Variants in NTRK2 observed in about 807,000 individuals in gnomAD.
NTRK2 encodes the protein BDNF/NT-3 growth factors receptor.
A neutral mutation model predicts 94.5 loss-of-function variants in NTRK2; 13 were observed. The ratio of observed to expected loss-of-function variants is 0.14; its 90% CI spans 0.09 to 0.22. NTRK2 has a LOEUF of 0.22. NTRK2 is among the 10% of genes least tolerant of loss of function. NTRK2 has a pLI of 1.00. For missense variants in NTRK2, 639 were observed against 1,071.2 expected (o/e 0.60, Z 5.63); for synonymous variants, 372 against 407.4 (o/e 0.91, Z 1.05).
chr9:84,962,131 G>T (rs1009503201), intron 17 of NTRK2, among the ~76,000 whole-genome samples: 1 of 152,274 alleles, frequency 6.6e-6, no homozygotes, highest in Non-Finnish European at 1.5e-5. Context: ...ACTGGAAAAT[G>T]ACATATTAGA....
chr9:84,797,112 C>A lies in NTRK2; in HGVS notation c.1396+45027C>A, dbSNP rs2069425055. On this transcript the variant is annotated intron_variant, in intron 12 of 18. Transcript: ENST00000277120. ...GTATATTGAAACAGTACGATGTTCA[C>A]TGAAGGAGGAAGCTTAACATGGGAA... Among the ~76,000 whole-genome samples the A allele has an allele frequency of 2.0e-5, 3 of 151,986 alleles. No homozygotes were observed. In the South Asian group the frequency reaches 6.2e-4, roughly 32 times the overall value.
intron 14 of NTRK2, among the ~76,000 whole-genome samples, chr9:84,879,052 G>T (rs1452683908): frequency 6.6e-6 from 1 of 152,136 alleles, no homozygotes; most frequent in East Asian, 1.9e-4. Flanking sequence ...GCAGATAAGT[G>T]CATGCTCATC....
intron 17 of NTRK2, among the ~76,000 whole-genome samples, chr9:84,968,761 T>C (rs945357268): frequency 6.6e-6 from 1 of 152,260 alleles, no homozygotes; most frequent in South Asian, 2.1e-4. Context: ...ACCATGAAAA[T>C]TGTGAAGTAT....
Position 85,026,844 on chromosome 9 carries a change from G to C in NTRK2, c.*5407G>C, listed in dbSNP as rs1475587740. On this transcript the variant is annotated 3_prime_UTR_variant, in exon 19 of 19. Transcript: ENST00000277120. ...TCTGTGCTAATACTTACCAGTTCTT[G>C]TTTTGCAATCTGTTTTGAGGTCCAT... 1 of 232,398 alleles carries C rather than the reference G, an allele frequency of 4.3e-6. No homozygotes were observed. Among genetic ancestry groups the C allele is most frequent in the Admixed American group, 5.6e-5 (1 of 17,716 alleles). 14.4% of individuals were successfully genotyped at this position (232,398 alleles called of 1,614,324 possible).
intron 14 of NTRK2, chr9:84,872,995 T>C (rs1004998268): frequency 9.4e-7 from 1 of 1,063,894 alleles, no homozygotes. Context: ...ATTTGCAACA[T>C]TACTTTGAGT....
chr9:84,985,516 C>T (rs937630731), intron 17 of NTRK2, among the ~76,000 whole-genome samples: 2 of 152,172 alleles, frequency 1.3e-5, no homozygotes, highest in Admixed American at 6.5e-5. Flanking sequence ...CGCTGGTAGC[C>T]TGATCTTTCA....
At position 84,706,514 on chromosome 9, in the gene NTRK2, A is replaced by ATTTTTT. The variant is rs1251771059; in HGVS notation, c.360-1329_360-1324dup. 9.5e-4 allele frequency among the ~76,000 whole-genome samples: 65 copies of ATTTTTT among 68,556 alleles called. 4 individuals carry two copies. The highest frequency in any genetic ancestry group is 2.0e-3 in the Admixed American group (12 of 6,042). The allele number at this position is 68,556 out of a possible 152,430, so 45.0% of individuals were successfully genotyped here. On this transcript the variant is annotated intron_variant, in intron 4 of 18. Coordinates refer to ENST00000277120, the MANE Select transcript of NTRK2 (RefSeq NM_006180.6). ...GTCACCCTCAGATCTCATGTGTGTT[A>ATTTTTT]TTTTTTGTTTTTGTTTTTTTTTTTT...
chr9:84,861,169 C>A, intron 13 of NTRK2, 82 bp downstream of exon 13: 1 of 1,042,332 alleles, frequency 9.6e-7, no homozygotes, highest in Non-Finnish European at 1.5e-6. Flanking sequence ...ACCCTCTTTA[C>A]ATTCCACGGT....
intron 17 of NTRK2, among the ~76,000 whole-genome samples, chr9:84,999,335 T>C (rs372379170): frequency 2.6e-4 from 39 of 152,340 alleles, no homozygotes; most frequent in African/African-American, 9.1e-4. Context: ...TCTCTCTTTT[T>C]GTATTGTCTG....
At chr9:84,950,224 C>T (rs1013742373) in intron 16 of NTRK2, among the ~76,000 whole-genome samples, 4 of 152,082 alleles carry the variant, frequency 2.6e-5, no homozygotes, top group African/African-American at 4.8e-5. Flanking sequence ...CCAGCTGCCT[C>T]GGTAAGAGAA....
intron 2 of NTRK2, among the ~76,000 whole-genome samples, chr9:84,671,728 A>G (rs1323854286): frequency 6.6e-6 from 1 of 152,236 alleles, no homozygotes; most frequent in Non-Finnish European, 1.5e-5. Flanking sequence ...TAGAACTCTG[A>G]TGAAGGCTGG....
At chr9:84,908,545 G>T (rs1246592869) in intron 14 of NTRK2, among the ~76,000 whole-genome samples, 3 of 152,142 alleles carry the variant, frequency 2.0e-5, no homozygotes. Flanking sequence ...CTCATTTGCA[G>T]CAAGCCATGT....
At chr9:84,777,233 C>T (rs566724080) in intron 12 of NTRK2, among the ~76,000 whole-genome samples, 1 of 152,126 alleles carries the variant, frequency 6.6e-6, no homozygotes, top group Non-Finnish European at 1.5e-5. Context: ...TTGGTTGTCC[C>T]ATTTTAGTAC....
At chr9:84,886,228 A>G (rs1279402808) in intron 14 of NTRK2, among the ~76,000 whole-genome samples, 1 of 152,234 alleles carries the variant, frequency 6.6e-6, no homozygotes, top group East Asian at 1.9e-4. Context: ...AGTGCCACAC[A>G]AAGAAATTCA....
At chr9:84,742,258 T>C (rs1401432459) in intron 10 of NTRK2, among the ~76,000 whole-genome samples, 1 of 152,206 alleles carries the variant, frequency 6.6e-6, no homozygotes, top group Non-Finnish European at 1.5e-5. Flanking sequence ...GGTATATCAG[T>C]TTCTGGCTAT....
At chr9:84,923,680 G>A (rs144511859) in intron 14 of NTRK2, among the ~76,000 whole-genome samples, 4,383 of 152,232 alleles carry the variant, frequency 0.029, 102 homozygotes, top group Middle Eastern at 0.054. Flanking sequence ...ATTTTGGAAG[G>A]ACGAGGCGGG....
chr9:84,930,130 A>G (rs550024789), intron 14 of NTRK2, among the ~76,000 whole-genome samples: 3 of 152,240 alleles, frequency 2.0e-5, no homozygotes, highest in Non-Finnish European at 4.4e-5. Flanking sequence ...GTTTGTCCAG[A>G]ATGTGAATCA....
intron 14 of NTRK2, among the ~76,000 whole-genome samples, chr9:84,870,999 T>C (rs1307333254): frequency 1.3e-5 from 2 of 152,230 alleles, no homozygotes; most frequent in African/African-American, 2.4e-5. Flanking sequence ...ATCTGACTTA[T>C]ATAATAAAGA....
chr9:84,807,208 G>A (rs1438537121), intron 12 of NTRK2, among the ~76,000 whole-genome samples: 2 of 152,226 alleles, frequency 1.3e-5, no homozygotes, highest in Non-Finnish European at 2.9e-5. Flanking sequence ...CTGAGTAATA[G>A]GAGGAAAATG....
Sources: gnomAD v4.1 joint callset for allele counts (sites outside exome capture counted in the v4.1 genomes callset) on GRCh38, gnomAD v4.1.1 for gene constraint, MANE v1.5 for transcripts, NCBI Gene and HGNC (gene_info 2026-07-23, HGNC 2026-07-21) for gene names.